OTUD7B: variants seen among roughly 807,000 people sequenced by gnomAD.
OTUD7B encodes OTU domain-containing protein 7B.
In OTUD7B, 34 loss-of-function variants were observed where a neutral mutation model predicts 82.2. That is an observed-to-expected ratio of 0.41 (90% confidence interval 0.31 to 0.55). OTUD7B has a LOEUF of 0.55. Among genes scored for constraint, OTUD7B ranks in the 20% least tolerant of loss-of-function variants. The pLI is 0.20. For synonymous variants in OTUD7B, 398 were observed against 402.7 expected, an observed-to-expected ratio of 0.99 and a Z score of 0.14; for missense variants, 944 against 1,062.1, an observed-to-expected ratio of 0.89 and a Z score of 1.55.
At chr1:150,056,568 A>T in the OTUD7B span, among the ~76,000 whole-genome samples, 1 of 152,204 alleles carries the variant, frequency 6.6e-6, no homozygotes, top group Non-Finnish European at 1.5e-5. Flanking sequence ...CCATTTACAA[A>T]TGAGGAAACT....
At chr1:150,016,447 T>G in the OTUD7B span, among the ~76,000 whole-genome samples, 1 of 4,528 alleles carries the variant, frequency 2.2e-4, no homozygotes, top group African/African-American at 6.0e-4. Flanking sequence ...TTCTCTTTTC[T>G]TTTTCTTTTT....
intron 1 of OTUD7B, among the ~76,000 whole-genome samples, chr1:150,002,572 C>T (rs1372837332): frequency 1.3e-5 from 2 of 152,114 alleles, no homozygotes; most frequent in African/African-American, 4.8e-5. Flanking sequence ...TCTGCTAGTA[C>T]AATGCAATGT....
chr1:149,993,219 T>C (rs587624608), intron 1 of OTUD7B, among the ~76,000 whole-genome samples: 1 of 152,256 alleles, frequency 6.6e-6, no homozygotes, highest in East Asian at 1.9e-4. Flanking sequence ...TCAAGTTTAT[T>C]TGTAGGGAGG....
At chr1:150,052,823 C>CAAAA in the OTUD7B span, among the ~76,000 whole-genome samples, 3 of 146,334 alleles carry the variant, frequency 2.1e-5, no homozygotes, top group Non-Finnish European at 1.5e-5. Context: ...AAACAAAAAA[C>CAAAA]AAAAAAAAAA....
chr1:150,032,088 A>G, the OTUD7B span, among the ~76,000 whole-genome samples: 70 of 149,794 alleles, frequency 4.7e-4, no homozygotes, highest in Non-Finnish European at 8.4e-4. Flanking sequence ...AGGCGGGTGG[A>G]TCACTTGAGG....
rs1553772354 is a variant in OTUD7B at position 149,947,249 on chromosome 1, A to G, written c.1323+2T>C. 6.4e-7 allele frequency: 1 copy of G among 1,570,328 alleles called. No homozygotes were observed. The highest frequency in any genetic ancestry group is 8.8e-7 in the Non-Finnish European group (1 of 1,140,154). On this transcript the variant is annotated splice_donor_variant, in intron 11 of 11. Transcript: ENST00000581312. LOFTEE classifies it high-confidence loss of function. ...CAGGGTAGATGTGGGAGAAGTCTTCACCTGTGCATCAGAGGACAGTGGGAT... is the reference window on the plus strand; with the variant it reads ...CAGGGTAGATGTGGGAGAAGTCTTCGCCTGTGCATCAGAGGACAGTGGGAT...
chr1:150,014,056 A>ATGTG (rs1487824605), upstream of OTUD7B, among the ~76,000 whole-genome samples: 10 of 77,342 alleles, frequency 1.3e-4, no homozygotes, highest in African/African-American at 2.4e-4. Flanking sequence ...GTGTGTATAT[A>ATGTG]TATGTGTGTG....
At chr1:149,996,052 C>CA (rs782472269) in intron 1 of OTUD7B, among the ~76,000 whole-genome samples, 6 of 151,936 alleles carry the variant, frequency 3.9e-5, no homozygotes, top group South Asian at 4.2e-4. Context: ...TGAGGGAAAA[C>CA]AAAAAAAATT....
chr1:149,990,683 CAT>C (rs1651502379), intron 1 of OTUD7B, among the ~76,000 whole-genome samples: 1 of 152,058 alleles, frequency 6.6e-6, no homozygotes, highest in East Asian at 1.9e-4. Flanking sequence ...TGATGGAAAA[CAT>C]ATACACATAG....
intron 1 of OTUD7B, among the ~76,000 whole-genome samples, chr1:149,981,476 C>T (rs781988131): frequency 2.6e-5 from 4 of 152,154 alleles, no homozygotes; most frequent in Non-Finnish European, 5.9e-5. Flanking sequence ...TTTCACATAC[C>T]GGTTTTGATT....
At chr1:150,060,134 A>G in the OTUD7B span, among the ~76,000 whole-genome samples, 4 of 152,236 alleles carry the variant, frequency 2.6e-5, no homozygotes, top group African/African-American at 9.6e-5. Context: ...GTGAGATTTC[A>G]ATGCCTCATC....
At chr1:150,036,114 G>A in the OTUD7B span, among the ~76,000 whole-genome samples, 1 of 151,352 alleles carries the variant, frequency 6.6e-6, no homozygotes, top group East Asian at 2.0e-4. Flanking sequence ...CACCACACCT[G>A]GTTAATTTTT....
chr1:149,973,050 CCCCTAAAACAT>C (rs2101843785), intron 2 of OTUD7B, among the ~76,000 whole-genome samples: 1 of 152,240 alleles, frequency 6.6e-6, no homozygotes, highest in South Asian at 2.1e-4. Context: ...TCAATTTGTA[CCCCTAAAACAT>C]CTCTCAAATC....
chr1:150,014,215 A>G (rs1653203296), upstream of OTUD7B, among the ~76,000 whole-genome samples: 1 of 105,904 alleles, frequency 9.4e-6, no homozygotes, highest in South Asian at 3.5e-4. Context: ...CCTGGGCAAT[A>G]TAAGGAGATC....
chr1:150,032,356 T>C, the OTUD7B span, among the ~76,000 whole-genome samples: 2 of 143,982 alleles, frequency 1.4e-5, no homozygotes, highest in South Asian at 2.3e-4. Flanking sequence ...AGGCCAGGCA[T>C]GGTGGCTCAA....
In OTUD7B at chr1:149,948,532, T is replaced by G. The variant is rs587675537; in HGVS notation, c.1238+437A>C. ...GATTACAGGCACGCACCACCACGCCTGGCTAATTTTTGTATTTTTAGTAGA... is the reference window on the plus strand; with the variant it reads ...GATTACAGGCACGCACCACCACGCCGGGCTAATTTTTGTATTTTTAGTAGA... On this transcript the variant is annotated intron_variant, in intron 10 of 11. Coordinates refer to ENST00000581312, the MANE Select transcript of OTUD7B (RefSeq NM_020205.4). Among the ~76,000 whole-genome samples, 4 of 151,894 alleles carry G rather than the reference T, an allele frequency of 2.6e-5. No homozygotes were observed. The East Asian group carries it at 7.8e-4, about 29-fold the overall frequency.
chr1:149,977,582 GAATA>G lies in OTUD7B; in HGVS notation c.-66-10_-66-7del. 1 of 1,055,528 alleles carries G rather than the reference GAATA, an allele frequency of 9.5e-7. No individual in the cohort carries two copies. The highest frequency in any genetic ancestry group is 1.5e-6 in the Non-Finnish European group (1 of 672,858). 65.4% of individuals were successfully genotyped at this position (1,055,528 alleles called of 1,614,324 possible). On this transcript the variant is annotated splice_polypyrimidine_tract_variant and splice_region_variant and intron_variant, in intron 1 of 11. Transcript: ENST00000581312. ...ATCAAAATTCAGGCCTCCACCTGAGGAATAAATAAATACATAAGGCTCAAATTAC... is the reference window on the plus strand; with the variant it reads ...ATCAAAATTCAGGCCTCCACCTGAGGAATAAATACATAAGGCTCAAATTAC...
chr1:150,041,173 C>T, the OTUD7B span, among the ~76,000 whole-genome samples: 1 of 152,004 alleles, frequency 6.6e-6, no homozygotes, highest in Non-Finnish European at 1.5e-5. Flanking sequence ...TTCCCCACCT[C>T]TTTTTGAGTC....
intron 1 of OTUD7B, among the ~76,000 whole-genome samples, chr1:149,983,339 C>T (rs1650917919): frequency 6.6e-6 from 1 of 151,924 alleles, no homozygotes; most frequent in South Asian, 2.1e-4. Flanking sequence ...GAAAAAACCA[C>T]AAAATCCTAC....
Sources: allele counts gnomAD v4.1 joint callset (sites outside exome capture counted in the v4.1 genomes callset), GRCh38; gene constraint gnomAD v4.1.1; transcripts MANE v1.5; gene names NCBI Gene and HGNC (gene_info 2026-07-23, HGNC 2026-07-21).